Variants in CA8 observed in about 807,000 individuals in gnomAD.
CA8 encodes the protein carbonic anhydrase 8 (inactive), also known as carbonic anhydrase-related protein.
In CA8, 22 loss-of-function variants were observed where a neutral mutation model predicts 41.4. The ratio of observed to expected loss-of-function variants is 0.53; its 90% confidence interval spans 0.38 to 0.76. CA8 has a LOEUF of 0.76. CA8 is among the 30% of genes least tolerant of loss of function. CA8 has a pLI of 0.00. For synonymous variants in CA8, 121 were observed against 130.6 expected, an observed-to-expected ratio of 0.93 and a Z score of 0.50; for missense variants, 270 against 352.8, an observed-to-expected ratio of 0.77 and a Z score of 1.88.
chr8:60,241,075 A>G (rs1280168443), intron 3 of CA8, among the ~76,000 whole-genome samples: 1 of 152,214 alleles, frequency 6.6e-6, no homozygotes, highest in East Asian at 1.9e-4. Flanking sequence ...ACTCATAATT[A>G]TATGAAGCAG....
At position 60,188,871 on chromosome 8, in the gene CA8, T is replaced by C. The variant is rs1184322465; in HGVS notation, c.*1150A>G. On this transcript the variant is annotated 3_prime_UTR_variant, in exon 9 of 9. Transcript: ENST00000317995. Reference sequence around the variant, plus strand: ...AACACATCTAAAAACTCTGAACATATACTTATTCCACCTGTCTTCTATTTC... The same window carrying C: ...AACACATCTAAAAACTCTGAACATACACTTATTCCACCTGTCTTCTATTTC... 6.6e-6 allele frequency: 1 copy of C among 152,194 alleles called. No individual in the cohort carries two copies. Among genetic ancestry groups the C allele is most frequent in the East Asian group, 1.9e-4 (1 of 5,206 alleles). The allele number at this position is 152,194 out of a possible 1,614,324, so 9.4% of individuals were successfully genotyped here.
At chr8:60,277,546 G>A (rs1804281155) in intron 2 of CA8, among the ~76,000 whole-genome samples, 2 of 151,956 alleles carry the variant, frequency 1.3e-5, no homozygotes, top group Admixed American at 1.3e-4. Context: ...GTAGAGATGG[G>A]GTTTCACCAT....
At chr8:60,194,910 T>C (rs1296627924) in intron 8 of CA8, among the ~76,000 whole-genome samples, 2 of 152,234 alleles carry the variant, frequency 1.3e-5, no homozygotes, top group Non-Finnish European at 2.9e-5. Flanking sequence ...ACAAAATTAG[T>C]TGCCTACCTT....
intron 8 of CA8, among the ~76,000 whole-genome samples, chr8:60,199,524 G>A (rs1352915907): frequency 6.6e-6 from 1 of 152,178 alleles, no homozygotes; most frequent in Non-Finnish European, 1.5e-5. Context: ...AGAACTCAGA[G>A]ATTCTGAAGG....
At chr8:60,206,454 A>C (rs1563523531) in intron 8 of CA8, among the ~76,000 whole-genome samples, 3 of 152,208 alleles carry the variant, frequency 2.0e-5, no homozygotes. Flanking sequence ...CAAACATTCA[A>C]GGGAATAATC....
At chr8:60,206,354 C>T (rs1241162907) in intron 8 of CA8, among the ~76,000 whole-genome samples, 3 of 151,084 alleles carry the variant, frequency 2.0e-5, no homozygotes, top group Non-Finnish European at 3.0e-5. Flanking sequence ...TGTGTGTGTG[C>T]GCGTGTGTGT....
At chr8:60,239,007 C>G (rs1429614237) in intron 3 of CA8, among the ~76,000 whole-genome samples, 2 of 152,050 alleles carry the variant, frequency 1.3e-5, no homozygotes, top group African/African-American at 2.4e-5. Context: ...AGAACTTCAA[C>G]CAACAGACAG....
chr8:60,215,648 G>GT (rs1160103420), intron 7 of CA8, among the ~76,000 whole-genome samples: 1 of 152,120 alleles, frequency 6.6e-6, no homozygotes, highest in African/African-American at 2.4e-5. Context: ...GTTCAATTGT[G>GT]TTTTTTCTCC....
intron 2 of CA8, among the ~76,000 whole-genome samples, chr8:60,271,522 T>G (rs1804073107): frequency 6.6e-6 from 1 of 152,128 alleles, no homozygotes; most frequent in South Asian, 2.1e-4. Flanking sequence ...TTGCCATGTT[T>G]GGGGGGGAAA....
chr8:60,275,707 G>A (rs1325173736), intron 2 of CA8, among the ~76,000 whole-genome samples: 2 of 151,980 alleles, frequency 1.3e-5, no homozygotes, highest in African/African-American at 2.4e-5. Context: ...GTAAATAAAA[G>A]ACACAATTAT....
intron 8 of CA8, among the ~76,000 whole-genome samples, chr8:60,203,539 T>G (rs1218479122): frequency 6.6e-6 from 1 of 152,148 alleles, no homozygotes; most frequent in African/African-American, 2.4e-5. Flanking sequence ...TTGATTCTAT[T>G]TTCCCTCTAT....
intron 4 of CA8, among the ~76,000 whole-genome samples, chr8:60,231,047 C>T (rs1585880609): frequency 6.6e-6 from 1 of 152,190 alleles, no homozygotes; most frequent in Middle Eastern, 3.4e-3. Flanking sequence ...TCTACTGTCT[C>T]AATTTCTCAG....
intron 3 of CA8, among the ~76,000 whole-genome samples, chr8:60,241,243 GA>G (rs1808018145): frequency 6.6e-6 from 1 of 152,204 alleles, no homozygotes. Flanking sequence ...GTAAAGCATG[GA>G]ATGGAACATA....
chr8:60,257,851 T>G (rs1281654938), intron 3 of CA8, among the ~76,000 whole-genome samples: 1 of 152,224 alleles, frequency 6.6e-6, no homozygotes, highest in Non-Finnish European at 1.5e-5. Flanking sequence ...GTCTTCAAAA[T>G]CTTCCTCTAA....
At chr8:60,231,397 A>G (rs902713680) in intron 4 of CA8, among the ~76,000 whole-genome samples, 3 of 152,220 alleles carry the variant, frequency 2.0e-5, no homozygotes, top group Admixed American at 6.5e-5. Context: ...TATCTAGGAG[A>G]TATGTATTAA....
intron 8 of CA8, among the ~76,000 whole-genome samples, chr8:60,206,607 T>C (rs371718277): frequency 1.4e-5 from 2 of 140,446 alleles, no homozygotes; most frequent in East Asian, 4.0e-4. Flanking sequence ...TGTGAACACA[T>C]CCTTCCCTCT....
Position 60,208,901 on chromosome 8 carries a change from G to T in CA8, c.757C>A (p.Leu253Met). ...SQLQIEEFRR[L>M]RTHVKGAELV... ...TCTGCCCCCTTAACATGTGTCCTCA[G>T]CCTTCGAAATTCTTCTATCTGAAAA... The change falls in exon 8 of 9, where the codon CTG (leucine) becomes ATG (methionine). Residue 253 changes from leucine (L) to methionine (M), a missense_variant. Leu to Met is a conservative substitution (Grantham distance 15, BLOSUM62 2). This residue lies in a region of CA8 where 141 missense variants were observed against 191.6 expected (regional missense o/e 0.74). Coordinates refer to ENST00000317995, the MANE Select transcript of CA8 (RefSeq NM_004056.6). 2 of 1,614,030 alleles carry T rather than the reference G, an allele frequency of 1.2e-6. No homozygotes were observed. The highest frequency in any genetic ancestry group is 1.7e-6 in the Non-Finnish European group (2 of 1,179,996).
chr8:60,254,011 G>A (rs1003485713), intron 3 of CA8, among the ~76,000 whole-genome samples: 1 of 152,166 alleles, frequency 6.6e-6, no homozygotes, highest in Non-Finnish European at 1.5e-5. Flanking sequence ...CTCAGCACCA[G>A]CCACAGTGGC....
Position 60,196,881 on chromosome 8 carries a change from T to C in CA8, c.*36-6896A>G, listed in dbSNP as rs113770008. On this transcript the variant is annotated intron_variant, in intron 8 of 8. Coordinates refer to ENST00000317995, the MANE Select transcript of CA8 (RefSeq NM_004056.6). ...GAAATATACACTAATGCCACATACA[T>C]TGTGGTCGATGCACATGAATACACA... Among the ~76,000 whole-genome samples the C allele has an allele frequency of 2.9e-4, 44 of 152,254 alleles. 2 individuals carry two copies. The highest frequency in any genetic ancestry group is 1.0e-3 in the African/African-American group (43 of 41,570).
Sources: gnomAD v4.1 joint callset for allele counts (sites outside exome capture counted in the v4.1 genomes callset) on GRCh38, gnomAD v4.1.1 for gene constraint, gnomAD v4.1.1 regional missense constraint, MANE v1.5 for transcripts, NCBI Gene and HGNC (gene_info 2026-07-23, HGNC 2026-07-21) for gene names.